SRBD1: variants seen among roughly 807,000 people sequenced by gnomAD.
The protein encoded by SRBD1 is S1 RNA-binding domain-containing protein 1.
In SRBD1, 88 loss-of-function variants were observed where a neutral mutation model predicts 115.3. The ratio of observed to expected loss-of-function variants is 0.76; its 90% confidence interval spans 0.64 to 0.91. The LOEUF (loss-of-function observed/expected upper bound fraction) is 0.91, where lower values mean the gene tolerates loss of function less well. Among genes scored for constraint, SRBD1 ranks in the 40% least tolerant of loss-of-function variants. The probability of loss-of-function intolerance (pLI) is 0.00; values close to 1 mark genes in which losing one functional copy is unlikely to be tolerated. For synonymous variants in SRBD1, 509 were observed against 407.7 expected, an observed-to-expected ratio of 1.25 and a Z score of -2.99; for missense variants, 1,385 against 1,177.4, an observed-to-expected ratio of 1.18 and a Z score of -2.58.
intron 16 of SRBD1, among the ~76,000 whole-genome samples, chr2:45,467,294 A>G (rs1414922501): frequency 1.3e-5 from 2 of 152,244 alleles, no homozygotes; most frequent in African/African-American, 4.8e-5. Flanking sequence ...TTAAACTACA[A>G]ACTCTGGAGA....
chr2:45,466,035 G>A (rs116408854), intron 16 of SRBD1, among the ~76,000 whole-genome samples: 1,719 of 152,172 alleles, frequency 0.011, 38 homozygotes, highest in African/African-American at 0.037. Context: ...CCAGGTCCTG[G>A]GAGCTGAAGA....
chr2:45,445,043 A>G (rs915459329), intron 16 of SRBD1, among the ~76,000 whole-genome samples: 2 of 152,232 alleles, frequency 1.3e-5, no homozygotes, highest in East Asian at 3.8e-4. Context: ...CGACCACAGT[A>G]GACAATGTTT....
In SRBD1 at chr2:45,585,900, A is replaced by T. The variant is rs193069675; in HGVS notation, c.649-126T>A. The T allele has an allele frequency of 1.6e-3, 972 of 603,120 alleles. 5 individuals are homozygous for T. Among genetic ancestry groups the T allele is most frequent in the African/African-American group, 0.016 (241 of 15,040 alleles). The allele number at this position is 603,120 out of a possible 1,614,324, so 37.4% of individuals were successfully genotyped here. On this transcript the variant is annotated intron_variant, in intron 4 of 20. Transcript: ENST00000263736. ...TAGAAACTACTTGCTATAGTTTTTT[A>T]AAAAAAAGAAAGCCATATAAAATAC...
intron 19 of SRBD1, among the ~76,000 whole-genome samples, chr2:45,407,159 T>C (rs1397630599): frequency 6.6e-6 from 1 of 152,162 alleles, no homozygotes; most frequent in Non-Finnish European, 1.5e-5. Context: ...GGAATAATAA[T>C]AGTACCAACC....
At chr2:45,597,980 T>G (rs1454576862) in intron 4 of SRBD1, among the ~76,000 whole-genome samples, 1 of 152,126 alleles carries the variant, frequency 6.6e-6, no homozygotes, top group African/African-American at 2.4e-5. Flanking sequence ...CAGAGGTGGA[T>G]CTATGTCAAC....
At chr2:45,423,135 T>A (rs1171442515) in intron 16 of SRBD1, among the ~76,000 whole-genome samples, 1 of 152,200 alleles carries the variant, frequency 6.6e-6, no homozygotes, top group Non-Finnish European at 1.5e-5. Flanking sequence ...CCCAGATGTG[T>A]TGTTGGTAAT....
At chr2:45,568,619 G>C (rs959822629) in intron 9 of SRBD1, among the ~76,000 whole-genome samples, 1 of 152,082 alleles carries the variant, frequency 6.6e-6, no homozygotes, top group African/African-American at 2.4e-5. Context: ...CTTAAATTCA[G>C]TCACTAACTC....
intron 18 of SRBD1, among the ~76,000 whole-genome samples, chr2:45,417,986 G>A (rs113659169): frequency 6.6e-6 from 1 of 152,146 alleles, no homozygotes; most frequent in Non-Finnish European, 1.5e-5. Context: ...TCCTTGGATG[G>A]CATTTCATTC....
intron 18 of SRBD1, among the ~76,000 whole-genome samples, chr2:45,416,733 A>C (rs1295818782): frequency 6.6e-6 from 1 of 152,118 alleles, no homozygotes; most frequent in Non-Finnish European, 1.5e-5. Flanking sequence ...GGCATCTTTT[A>C]CTTTTTGTTC....
chr2:45,610,852 CG>C (rs1353285361), intron 1 of SRBD1, among the ~76,000 whole-genome samples: 1 of 151,588 alleles, frequency 6.6e-6, no homozygotes, highest in African/African-American at 2.4e-5. Context: ...GGCGTGAATC[CG>C]GGAGGCGGAG....
At chr2:45,446,068 G>A (rs1473357968) in intron 16 of SRBD1, among the ~76,000 whole-genome samples, 1 of 152,202 alleles carries the variant, frequency 6.6e-6, no homozygotes, top group Non-Finnish European at 1.5e-5. Context: ...ACCCTCTAGA[G>A]AGGTCTGACT....
chr2:45,491,205 T>C (rs1670281681), intron 14 of SRBD1, among the ~76,000 whole-genome samples: 2 of 152,190 alleles, frequency 1.3e-5, no homozygotes. Context: ...CACTTTCTGT[T>C]TGATGGGAAA....
At chr2:45,483,988 T>G (rs1205330661) in intron 15 of SRBD1, among the ~76,000 whole-genome samples, 2 of 152,142 alleles carry the variant, frequency 1.3e-5, no homozygotes, top group Admixed American at 1.3e-4. Flanking sequence ...ATAGATGATG[T>G]ACCTAAAAAG....
intron 9 of SRBD1, among the ~76,000 whole-genome samples, chr2:45,565,537 A>C (rs1672800693): frequency 6.6e-6 from 1 of 152,230 alleles, no homozygotes; most frequent in African/African-American, 2.4e-5. Context: ...CCATTAAAAA[A>C]GGAGAAAATT....
At chr2:45,506,982 T>C (rs1029949142) in intron 14 of SRBD1, among the ~76,000 whole-genome samples, 1 of 152,192 alleles carries the variant, frequency 6.6e-6, no homozygotes, top group African/African-American at 2.4e-5. Context: ...CTCATGTATC[T>C]GTGTTATAGA....
chr2:45,489,541 A>C (rs2103858011), intron 14 of SRBD1, among the ~76,000 whole-genome samples: 1 of 152,302 alleles, frequency 6.6e-6, no homozygotes, highest in East Asian at 1.9e-4. Flanking sequence ...TACTCTCTTA[A>C]ATTTAAATAG....
At chr2:45,562,103 A>G (rs1206807882) in intron 10 of SRBD1, among the ~76,000 whole-genome samples, 1 of 152,202 alleles carries the variant, frequency 6.6e-6, no homozygotes, top group Non-Finnish European at 1.5e-5. Flanking sequence ...CACTATCAAA[A>G]ATTCCTCACA....
intron 10 of SRBD1, among the ~76,000 whole-genome samples, chr2:45,560,468 C>T (rs1325550950): frequency 6.6e-6 from 1 of 152,156 alleles, no homozygotes; most frequent in Non-Finnish European, 1.5e-5. Context: ...CCATCAAAGG[C>T]CTGTTCTTCA....
chr2:45,546,804 C>T lies in SRBD1; in HGVS notation c.1802G>A (p.Cys601Tyr), dbSNP rs774333273. The T allele has an allele frequency of 1.2e-6, 2 of 1,614,022 alleles. No homozygotes were observed. The highest frequency in any genetic ancestry group is 1.7e-6 in the Non-Finnish European group (2 of 1,180,002). The part of the protein sequence containing the change: ...STVVIGNGTA[C>Y]RETEAYFADL... ...AGCAAAGTAAGCTTCTGTTTCCCTG[C>T]AGGCAGTTCCATTTCCAATCACTAC... The change falls in exon 14 of 21, where the codon TGC becomes TAC. Residue 601 changes from cysteine (C) to tyrosine (Y), a missense_variant. Cys to Tyr is a radical substitution (Grantham distance 194). Transcript: ENST00000263736.
Sources: gnomAD v4.1 joint callset for allele counts (sites outside exome capture counted in the v4.1 genomes callset) on GRCh38, gnomAD v4.1.1 for gene constraint, MANE v1.5 for transcripts, NCBI Gene and HGNC (gene_info 2026-07-23, HGNC 2026-07-21) for gene names.